Variants in ARHGEF18 observed in about 807,000 individuals in gnomAD.
ARHGEF18 encodes the protein rho guanine nucleotide exchange factor 18.
ARHGEF18 carries 93 observed loss-of-function variants against 155.7 expected under a neutral mutation model. That is an observed-to-expected ratio of 0.60 (90% CI 0.50 to 0.71). The LOEUF (loss-of-function observed/expected upper bound fraction) is 0.71, where lower values mean the gene tolerates loss of function less well. Among genes scored for constraint, ARHGEF18 ranks in the 30% least tolerant of loss-of-function variants. The pLI is 0.00. For missense variants in ARHGEF18, 1,593 were observed against 1,816.1 expected (o/e 0.88, Z 2.23); for synonymous variants, 742 against 753.1 (o/e 0.99, Z 0.24).
intron 2 of ARHGEF18, among the ~76,000 whole-genome samples, chr19:7,368,060 C>G (rs1600204632): frequency 1.5e-5 from 2 of 134,652 alleles, no homozygotes; most frequent in African/African-American, 5.6e-5. Flanking sequence ...AGACTATCTG[C>G]TCTATGATTT....
At chr19:7,382,083 G>A (rs1970772176) in intron 8 of ARHGEF18, among the ~76,000 whole-genome samples, 2 of 152,088 alleles carry the variant, frequency 1.3e-5, no homozygotes, top group Non-Finnish European at 2.9e-5. Flanking sequence ...ATGGAGTTTG[G>A]GGTGGGGGAG....
Position 7,469,119 on chromosome 19 carries a change from T to C in ARHGEF18, c.3775T>C (p.Trp1259Arg). 2 of 1,600,532 alleles carry C rather than the reference T, an allele frequency of 1.2e-6. No homozygotes were observed. The highest frequency in any genetic ancestry group is 1.7e-6 in the Non-Finnish European group (2 of 1,174,536). ...KGGKSRGSQR[W>R]ESSASFDLKQ... Reference sequence around the variant, plus strand: ...CGGCAAGAGCAGGGGCTCTCAGCGCTGGGAGAGCTCAGGTGAGCCGGCCCC... The same window carrying C: ...CGGCAAGAGCAGGGGCTCTCAGCGCCGGGAGAGCTCAGGTGAGCCGGCCCC... The change falls in exon 27 of 29, where the codon TGG becomes CGG. Residue 1259 changes from tryptophan (W) to arginine (R), a missense_variant. Trp to Arg is a moderately radical substitution (Grantham distance 101, BLOSUM62 -3). Coordinates refer to ENST00000668164, the MANE Select transcript of ARHGEF18 (RefSeq NM_001367823.1).
downstream of ARHGEF18, among the ~76,000 whole-genome samples, chr19:7,475,652 T>C (rs1977213097): frequency 6.6e-6 from 1 of 152,186 alleles, no homozygotes; most frequent in Non-Finnish European, 1.5e-5. Flanking sequence ...ACATGGTCAG[T>C]GTCCAAGGCC....
rs1290682920 is a variant in ARHGEF18, at chr19:7,442,691, C to T, written c.1360+639C>T. ...CTTCCCTTGTTGGTGGCTGTCTTAG[C>T]CTATATAGGCAGCTCTCATAGAACA... On this transcript the variant is annotated intron_variant, in intron 13 of 28. Transcript: ENST00000668164. Among the ~76,000 whole-genome samples, 5 of 152,172 alleles carry T rather than the reference C, an allele frequency of 3.3e-5. No individual in the cohort carries two copies. In the East Asian group the frequency reaches 9.6e-4, roughly 29 times the overall value.
intron 2 of ARHGEF18, among the ~76,000 whole-genome samples, 157 bp from the exon 3 acceptor site, chr19:7,372,655 C>A (rs999000572): frequency 6.6e-6 from 1 of 152,162 alleles, no homozygotes; most frequent in Non-Finnish European, 1.5e-5. Context: ...CCATTCCATC[C>A]CACCCGCTGT....
intron 2 of ARHGEF18, among the ~76,000 whole-genome samples, chr19:7,363,378 T>C (rs1290598087): frequency 1.3e-5 from 2 of 151,122 alleles, no homozygotes; most frequent in East Asian, 1.9e-4. Flanking sequence ...GATGGATAGA[T>C]GGATGGACTG....
intron 16 of ARHGEF18, 149 bp from the exon 17 acceptor site, chr19:7,453,318 C>T: frequency 4.0e-6 from 3 of 757,864 alleles, no homozygotes; most frequent in Non-Finnish European, 5.7e-6. Context: ...TGAGTGGTGG[C>T]CTTGGAGAAC....
chr19:7,426,498 A>AAAG (rs1034524623), intron 10 of ARHGEF18, among the ~76,000 whole-genome samples: 6 of 151,776 alleles, frequency 4.0e-5, no homozygotes, highest in Admixed American at 1.3e-4. Context: ...AAAAAAAAAA[A>AAAG]AAAAGAAAAA....
rs1969569962 is a variant in ARHGEF18 at position 7,361,991 on chromosome 19, G to GAA, written c.-110-790_-110-789insAA. Among the ~76,000 whole-genome samples, 28 of 79,216 alleles carry GAA rather than the reference G, an allele frequency of 3.5e-4. 5 individuals carry two copies. Among genetic ancestry groups the GAA allele is most frequent in the African/African-American group, 1.5e-3 (28 of 18,326 alleles). 52.0% of individuals were successfully genotyped at this position (79,216 alleles called of 152,430 possible). A position where few individuals can be genotyped will look rare whatever the true frequency, so the allele number is the denominator to read the frequency against. On this transcript the variant is annotated intron_variant, in intron 1 of 28. Transcript: ENST00000668164. ...TGGGGGCAACAGAGCAAGACTCTGT[G>GAA]GAAGAAGAAGAAGAAGAAGAAGAAG...
At chr19:7,390,109 T>C (rs1160621815) in intron 10 of ARHGEF18, among the ~76,000 whole-genome samples, 1 of 152,124 alleles carries the variant, frequency 6.6e-6, no homozygotes, top group Non-Finnish European at 1.5e-5. Flanking sequence ...GGTGGCAGCA[T>C]TGCTTGAGCC....
Position 7,467,585 on chromosome 19 carries a change from GC to G in ARHGEF18, c.3382del (p.Arg1128ValfsTer53). ...HDLERLREAQ[R>X]AVERERERLE... ...ACCTGGAGCGGCTGCGCGAGGCCCA[GC>G]GTGCCGTGGAGCGCGAGCGGGAGCG... is the stretch of plus-strand genomic sequence containing the variant. On this transcript the variant is annotated frameshift_variant, in exon 26 of 29. Coordinates refer to ENST00000668164, the MANE Select transcript of ARHGEF18 (RefSeq NM_001367823.1). LOFTEE classifies it high-confidence loss of function. The G allele has an allele frequency of 6.6e-7, 1 of 1,503,960 alleles. No individual in the cohort carries two copies. The highest frequency in any genetic ancestry group is 8.8e-7 in the Non-Finnish European group (1 of 1,134,534). 93.2% of individuals were successfully genotyped at this position (1,503,960 alleles called of 1,614,324 possible). A position where few individuals can be genotyped will look rare whatever the true frequency, so the allele number is the denominator to read the frequency against.
intron 10 of ARHGEF18, among the ~76,000 whole-genome samples, chr19:7,404,061 C>G (rs1972163307): frequency 6.7e-6 from 1 of 149,490 alleles, no homozygotes; most frequent in Non-Finnish European, 1.5e-5. Context: ...GAGCGAGACT[C>G]CGTCTCAAAA....
At chr19:7,362,643 C>A (rs1969678529) in intron 1 of ARHGEF18, 138 bp from the exon 2 acceptor site, 1 of 729,160 alleles carries the variant, frequency 1.4e-6, no homozygotes, top group Non-Finnish European at 1.9e-6. Flanking sequence ...AGACCATCTT[C>A]CCCCTCCCCT....
Position 7,414,796 on chromosome 19 carries a change from ACT to A in ARHGEF18, c.968-25545_968-25544del, listed in dbSNP as rs1330479938. On this transcript the variant is annotated intron_variant, in intron 10 of 28. Transcript: ENST00000668164. ...TGCACTCCAGCCTGGCGACTGCGAG[ACT>A]CTGTCTCAAAAAAAAAGAAAAAAAC... Among the ~76,000 whole-genome samples the A allele has an allele frequency of 2.4e-5, 3 of 126,324 alleles. No homozygotes were observed. In the South Asian group the frequency reaches 9.4e-4, roughly 40 times the overall value. The allele number at this position is 126,324 out of a possible 152,430, so 82.9% of individuals were successfully genotyped here. A position where few individuals can be genotyped will look rare whatever the true frequency, so the allele number is the denominator to read the frequency against.
intron 10 of ARHGEF18, among the ~76,000 whole-genome samples, chr19:7,424,593 G>A (rs927343113): frequency 9.2e-5 from 14 of 152,246 alleles, no homozygotes; most frequent in South Asian, 4.1e-4. Context: ...ATGTACACCC[G>A]TGTCAATAAA....
In ARHGEF18 at chr19:7,451,150, A is replaced by T. The variant is rs202030895; in HGVS notation, c.1739A>T (p.Lys580Ile). ...AGGATCTTGCTTTCTGTTTCCTAGAAAATTGGCAACTTCTCCATCGTGCGG... is the reference window on the plus strand; with the variant it reads ...AGGATCTTGCTTTCTGTTTCCTAGATAATTGGCAACTTCTCCATCGTGCGG... Reference protein sequence around the residue: ...QNKKFQNLIKKIGNFSIVRRL... With the variant: ...QNKKFQNLIKIIGNFSIVRRL... Residue 580 changes from lysine to isoleucine, a missense_variant and splice_region_variant, in exon 16 of 29, where the codon AAA becomes ATA. Lys to Ile is a moderately radical substitution (Grantham distance 102). Transcript: ENST00000668164. 1.4e-6 allele frequency: 2 copies of T among 1,465,644 alleles called. No individual in the cohort carries two copies. Among genetic ancestry groups the T allele is most frequent in the Non-Finnish European group, 1.8e-6 (2 of 1,114,076 alleles). 90.8% of individuals were successfully genotyped at this position (1,465,644 alleles called of 1,614,324 possible).
chr19:7,394,733 C>T (rs1971592213), intron 10 of ARHGEF18, among the ~76,000 whole-genome samples: 1 of 151,994 alleles, frequency 6.6e-6, no homozygotes, highest in African/African-American at 2.4e-5. Flanking sequence ...GACTCCCTCC[C>T]CAGCCGCGCT....
At chr19:7,476,755 C>T (rs892979163), downstream of ARHGEF18, 12 of 159,524 alleles carry the variant, frequency 7.5e-5, no homozygotes, top group East Asian at 1.8e-4. Context: ...GAGGACCCAC[C>T]GGGCTGAGGG....
In ARHGEF18 at chr19:7,349,200, C is replaced by T. The variant is rs1443362651; in HGVS notation, c.-152C>T. Reference sequence around the variant, plus strand: ...TCATGGGAGCTGCAGGAGCTGTTAGCCAGGCTAGGTGCCTGCAGGTTGAAG... The same window carrying T: ...TCATGGGAGCTGCAGGAGCTGTTAGTCAGGCTAGGTGCCTGCAGGTTGAAG... On this transcript the variant is annotated 5_prime_UTR_variant, in exon 1 of 29. Transcript: ENST00000668164. 1 of 152,320 alleles carries T rather than the reference C, an allele frequency of 6.6e-6. No individual in the cohort carries two copies. The highest frequency in any genetic ancestry group is 1.5e-5 in the Non-Finnish European group (1 of 68,140). 9.4% of individuals were successfully genotyped at this position (152,320 alleles called of 1,614,324 possible). A position where few individuals can be genotyped will look rare whatever the true frequency, so the allele number is the denominator to read the frequency against.
Sources: gnomAD v4.1 joint callset for allele counts (sites outside exome capture counted in the v4.1 genomes callset) on GRCh38, gnomAD v4.1.1 for gene constraint, MANE v1.5 for transcripts, NCBI Gene and HGNC (gene_info 2026-07-23, HGNC 2026-07-21) for gene names.